The following DLGAP1 variants were observed in gnomAD, a reference collection of about 807,000 sequenced individuals.
DLGAP1 encodes the protein DLG associated protein 1, also known as disks large-associated protein 1.
In DLGAP1, 11 loss-of-function variants were observed where a neutral mutation model predicts 90.8. The observed-to-expected ratio is 0.12, with a 90% CI of 0.08 to 0.20. The LOEUF (loss-of-function observed/expected upper bound fraction) is 0.20, where lower values mean the gene tolerates loss of function less well. Ranked by LOEUF, DLGAP1 falls within the 10% of genes least tolerant of loss-of-function variation. The pLI is 1.00. For missense variants in DLGAP1, 1,050 were observed against 1,333.8 expected (o/e 0.79, Z 3.31); for synonymous variants, 558 against 540.7 (o/e 1.03, Z -0.44).
intron 5 of DLGAP1, among the ~76,000 whole-genome samples, chr18:3,811,412 C>T (rs570869100): frequency 1.1e-4 from 17 of 152,200 alleles, no homozygotes; most frequent in East Asian, 7.7e-4. Context: ...GCACACTATC[C>T]GTCTTACATA....
chr18:3,558,299 C>G (rs985878699), intron 9 of DLGAP1, among the ~76,000 whole-genome samples: 1 of 152,186 alleles, frequency 6.6e-6, no homozygotes, highest in Non-Finnish European at 1.5e-5. Context: ...CTGAAGCGCT[C>G]TTGGCTCACT....
In DLGAP1 at chr18:3,581,136, C is replaced by T. The variant is rs537602945; in HGVS notation, c.1965+739G>A. On this transcript the variant is annotated intron_variant, in intron 8 of 12. Coordinates refer to ENST00000315677, the MANE Select transcript of DLGAP1 (RefSeq NM_004746.4). ...TCCCGCTTGCTGCCTTCAGCCAGGG[C>T]GCTCCTCAGAGCCCTGTTTTCCTGC... Among the ~76,000 whole-genome samples the T allele has an allele frequency of 5.0e-4, 76 of 152,256 alleles. 1 individual carries two copies. The highest frequency in any genetic ancestry group is 1.7e-3 in the African/African-American group (70 of 41,560).
intron 1 of DLGAP1, among the ~76,000 whole-genome samples, chr18:4,410,365 C>T (rs560749905): frequency 6.6e-6 from 1 of 152,102 alleles, no homozygotes; most frequent in East Asian, 1.9e-4. Flanking sequence ...TTAAAATAGT[C>T]AAAACAATCA....
chr18:3,976,988 A>G (rs1191454644), intron 3 of DLGAP1, among the ~76,000 whole-genome samples: 2 of 152,236 alleles, frequency 1.3e-5, no homozygotes, highest in Non-Finnish European at 2.9e-5. Flanking sequence ...ATTCTTTAGT[A>G]GCTATACAAT....
intron 5 of DLGAP1, among the ~76,000 whole-genome samples, chr18:3,748,618 T>C (rs1231375688): frequency 2.6e-5 from 4 of 152,166 alleles, no homozygotes; most frequent in Admixed American, 6.6e-5. Context: ...CCTCAGGAGG[T>C]TAATCTAACT....
In DLGAP1 at chr18:3,677,960, G is replaced by GTT. The variant is rs71160908; in HGVS notation, c.1591+51173_1591+51174dup. On this transcript the variant is annotated intron_variant, in intron 7 of 12. Coordinates refer to ENST00000315677, the MANE Select transcript of DLGAP1 (RefSeq NM_004746.4). ...AGGCGTGAGCCACTGTGCCCGGTGG[G>GTT]TTTTTTTTTTTTTTTTTTTGAGATG... 1.4e-3 allele frequency among the ~76,000 whole-genome samples: 116 copies of GTT among 81,186 alleles called. 3 individuals are homozygous for GTT. In the East Asian group the frequency reaches 0.034, roughly 24 times the overall value. The allele number at this position is 81,186 out of a possible 152,430, so 53.3% of individuals were successfully genotyped here.
intron 2 of DLGAP1, among the ~76,000 whole-genome samples, chr18:4,144,921 A>T (rs974767531): frequency 6.6e-6 from 1 of 152,240 alleles, no homozygotes. Context: ...AGTATAAACA[A>T]ATACTCAAAT....
chr18:4,170,157 G>C (rs2076998970), intron 1 of DLGAP1, among the ~76,000 whole-genome samples: 1 of 152,152 alleles, frequency 6.6e-6, no homozygotes, highest in South Asian at 2.1e-4. Context: ...AGATAGGTAG[G>C]AAGAGTAAGA....
intron 3 of DLGAP1, among the ~76,000 whole-genome samples, chr18:3,989,457 T>G (rs1454248590): frequency 6.6e-6 from 1 of 152,164 alleles, no homozygotes; most frequent in Non-Finnish European, 1.5e-5. Flanking sequence ...TGAGGCTGTA[T>G]CCACACAGCC....
At chr18:4,159,176 A>G (rs1598506996) in intron 1 of DLGAP1, among the ~76,000 whole-genome samples, 1 of 151,912 alleles carries the variant, frequency 6.6e-6, no homozygotes, top group South Asian at 2.1e-4. Context: ...CCTGTCTTCA[A>G]CTCTCCTCTC....
intron 5 of DLGAP1, among the ~76,000 whole-genome samples, chr18:3,749,148 CTTTT>C (rs776707431): frequency 1.4e-3 from 165 of 120,650 alleles, no homozygotes; most frequent in African/African-American, 4.9e-3. Context: ...TCTTCTTCTT[CTTTT>C]TTTTTTTTTT....
intron 7 of DLGAP1, among the ~76,000 whole-genome samples, chr18:3,615,153 C>A (rs576487110): frequency 6.6e-6 from 1 of 152,018 alleles, no homozygotes; most frequent in Non-Finnish European, 1.5e-5. Context: ...AACTCCTGAC[C>A]TCATGTGATC....
chr18:4,336,242 A>G (rs1316871188), intron 1 of DLGAP1, among the ~76,000 whole-genome samples: 1 of 152,204 alleles, frequency 6.6e-6, no homozygotes, highest in Non-Finnish European at 1.5e-5. Flanking sequence ...TTATTGGGCT[A>G]TAAGTGAATA....
chr18:3,610,333 C>A (rs1249628759), intron 7 of DLGAP1, among the ~76,000 whole-genome samples: 1 of 152,140 alleles, frequency 6.6e-6, no homozygotes, highest in Non-Finnish European at 1.5e-5. Context: ...CTCCGCCTAT[C>A]CAGACCTAGG....
chr18:4,135,473 C>A (rs985896644), intron 2 of DLGAP1, among the ~76,000 whole-genome samples: 1 of 152,168 alleles, frequency 6.6e-6, no homozygotes, highest in Non-Finnish European at 1.5e-5. Context: ...GCTATTTAAA[C>A]ATTTAGTAAC....
chr18:4,234,473 A>C (rs2078363433), intron 1 of DLGAP1, among the ~76,000 whole-genome samples: 1 of 152,288 alleles, frequency 6.6e-6, no homozygotes, highest in East Asian at 1.9e-4. Context: ...TTATGCACCC[A>C]GCCAATTTAA....
At position 3,927,237 on chromosome 18, in the gene DLGAP1, G is replaced by A. The variant is rs2072412395; in HGVS notation, c.-72-47097C>T. Among the ~76,000 whole-genome samples the A allele has an allele frequency of 2.0e-5, 3 of 152,196 alleles. No homozygotes were observed. In the South Asian group the frequency reaches 6.2e-4, roughly 32 times the overall value. On this transcript the variant is annotated intron_variant, in intron 3 of 12. Coordinates refer to ENST00000315677, the MANE Select transcript of DLGAP1 (RefSeq NM_004746.4). ...CTAAAACTAGTGGGTGAAAGTGGGT[G>A]AGTAACAGTATATTTACATCTTACA...
intron 1 of DLGAP1, among the ~76,000 whole-genome samples, chr18:4,404,540 T>C (rs1055687839): frequency 3.8e-4 from 58 of 152,166 alleles, no homozygotes; most frequent in African/African-American, 1.4e-3. Context: ...ACATACAATA[T>C]TACATAAAGA....
chr18:3,662,108 AT>A (rs140826965), intron 7 of DLGAP1, among the ~76,000 whole-genome samples: 32,117 of 148,736 alleles, frequency 0.22, 3,494 homozygotes, highest in African/African-American at 0.29. Flanking sequence ...TAAAAAAAAA[AT>A]TTTTTTTAAA....
Sources: allele counts gnomAD v4.1 joint callset (sites outside exome capture counted in the v4.1 genomes callset), GRCh38; gene constraint gnomAD v4.1.1; transcripts MANE v1.5; gene names NCBI Gene and HGNC (gene_info 2026-07-23, HGNC 2026-07-21).